SLIT1: variants seen among roughly 807,000 people sequenced by gnomAD.
The protein encoded by SLIT1 is slit guidance ligand 1.
A neutral mutation model predicts 186.1 loss-of-function variants in SLIT1; 66 were observed. The observed-to-expected ratio is 0.35, with a 90% CI of 0.29 to 0.44. The LOEUF (loss-of-function observed/expected upper bound fraction) is 0.44, where lower values mean the gene tolerates loss of function less well. Ranked by LOEUF, SLIT1 falls within the 20% of genes least tolerant of loss-of-function variation. The probability of loss-of-function intolerance (pLI) is 1.00; values close to 1 mark genes in which losing one functional copy is unlikely to be tolerated. For synonymous variants in SLIT1, 761 were observed against 833.8 expected, an observed-to-expected ratio of 0.91 and a Z score of 1.50; for missense variants, 1,638 against 2,037.4, an observed-to-expected ratio of 0.80 and a Z score of 3.77.
chr10:97,094,525 G>A (rs1564674021), intron 4 of SLIT1, among the ~76,000 whole-genome samples: 1 of 152,174 alleles, frequency 6.6e-6, no homozygotes, highest in Non-Finnish European at 1.5e-5. Context: ...ATTATGTGAG[G>A]CCATGTGGCC....
chr10:97,018,776 C>G, intron 27 of SLIT1, 93 bp from the exon 28 acceptor site: 1 of 771,462 alleles, frequency 1.3e-6, no homozygotes. Flanking sequence ...CAGCCTCTCC[C>G]TGTCCCAGGA....
chr10:97,176,531 T>G (rs568066051), intron 1 of SLIT1, among the ~76,000 whole-genome samples: 1 of 152,148 alleles, frequency 6.6e-6, no homozygotes, highest in African/African-American at 2.4e-5. Flanking sequence ...TGTCCTCTCC[T>G]CTGCAAACTT....
At chr10:97,014,534 G>A (rs1207538575) in intron 28 of SLIT1, among the ~76,000 whole-genome samples, 4 of 152,148 alleles carry the variant, frequency 2.6e-5, no homozygotes, top group Non-Finnish European at 4.4e-5. Context: ...AAGGGAGAGC[G>A]GGAATGGGAG....
chr10:97,148,434 G>A (rs961362482), intron 4 of SLIT1, among the ~76,000 whole-genome samples: 4 of 150,334 alleles, frequency 2.7e-5, no homozygotes, highest in African/African-American at 7.4e-5. Flanking sequence ...GACTACAGGT[G>A]CACATCACCA....
intron 4 of SLIT1, chr10:97,153,041 A>G (rs1849898434): frequency 6.6e-6 from 1 of 152,236 alleles, no homozygotes; most frequent in Non-Finnish European, 1.5e-5. Context: ...AGCAACGAAC[A>G]TGTCTGTGCT....
At chr10:97,088,828 T>C (rs953976588) in intron 4 of SLIT1, among the ~76,000 whole-genome samples, 2 of 152,172 alleles carry the variant, frequency 1.3e-5, no homozygotes, top group African/African-American at 2.4e-5. Context: ...AAGCACTGTG[T>C]CTGCCACACC....
Position 97,184,585 on chromosome 10 carries a change from A to G in SLIT1, c.197+893T>C, listed in dbSNP as rs1174353238. On this transcript the variant is annotated intron_variant, in intron 1 of 36. Transcript: ENST00000266058. This position sits in a 1 kb window ranked among gnomAD's most constrained non-coding sequence, Gnocchi z 4.4. ...TAAATACACACACTCAAACACACCC[A>G]AACACACACACACACATTCTACTAG... 6.6e-6 allele frequency among the ~76,000 whole-genome samples: 1 copy of G among 152,160 alleles called. No individual in the cohort carries two copies. Among genetic ancestry groups the G allele is most frequent in the Non-Finnish European group, 1.5e-5 (1 of 68,020 alleles).
intron 11 of SLIT1, chr10:97,057,713 T>C (rs1330920609): frequency 2.3e-6 from 1 of 434,868 alleles, no homozygotes; most frequent in African/African-American, 1.9e-5. Context: ...CCAGACGGCA[T>C]ATGCAGTGTG....
chr10:97,002,751 C>T lies in SLIT1; in HGVS notation c.4107G>A (p.Val1369=). ...CAGCGGGCTGGTCACAGTGCAGGCC[C>T]ACCCAGCCAGCCTCGCAGTGGCACA... ...GPMCHCEAGW[V]GLHCDQPADG... Residue 1369 remains valine (V), a synonymous_variant, in exon 35 of 37, where the codon GTG becomes GTA. Transcript: ENST00000266058. The T allele has an allele frequency of 1.2e-6, 2 of 1,609,690 alleles. No homozygotes were observed. The highest frequency in any genetic ancestry group is 1.3e-5 in the African/African-American group (1 of 75,010).
chr10:97,032,343 C>T (rs964333824), intron 23 of SLIT1, among the ~76,000 whole-genome samples: 9 of 152,002 alleles, frequency 5.9e-5, no homozygotes, highest in African/African-American at 1.9e-4. Flanking sequence ...CTGAGGTGGG[C>T]GGATCACCTG....
intron 4 of SLIT1, among the ~76,000 whole-genome samples, chr10:97,130,446 A>G (rs1849642599): frequency 6.6e-6 from 1 of 152,278 alleles, no homozygotes; most frequent in South Asian, 2.1e-4. Flanking sequence ...ACATTCTGAC[A>G]TATGCCACAA....
chr10:97,124,226 C>G (rs1208397822), intron 4 of SLIT1, among the ~76,000 whole-genome samples: 1 of 152,068 alleles, frequency 6.6e-6, no homozygotes, highest in African/African-American at 2.4e-5. Context: ...AGCTCTTGTC[C>G]CTGCACATTT....
At chr10:97,089,456 G>A (rs889774366) in intron 4 of SLIT1, among the ~76,000 whole-genome samples, 12 of 152,188 alleles carry the variant, frequency 7.9e-5, no homozygotes, top group Admixed American at 7.9e-4. Flanking sequence ...CTGCTACTCC[G>A]TCTCTCTGGG....
chr10:97,131,940 T>C (rs11819571), intron 4 of SLIT1, among the ~76,000 whole-genome samples: 14,765 of 152,272 alleles, frequency 0.097, 1,011 homozygotes, highest in African/African-American at 0.2. Flanking sequence ...GAGCTGGGCT[T>C]GGAACCCAGC....
chr10:97,004,720 C>T lies in SLIT1; in HGVS notation c.3683G>A (p.Gly1228Asp). ...GTAGATGGCAGAGCTGGGGTAGCTG[C>T]CTGGGTCGTAGCTGACACGCACATG... ...QGHVRVSYDP[G>D]SYPSSAIYSA... The change falls in exon 33 of 37, where the codon GGC becomes GAC. Residue 1228 changes from glycine (G) to aspartate (D), a missense_variant. This residue lies in a region of SLIT1 where 173 missense variants were observed against 290.9 expected (regional missense o/e 0.59). Coordinates refer to ENST00000266058, the MANE Select transcript of SLIT1 (RefSeq NM_003061.3). This position sits in a 1 kb window ranked among gnomAD's most constrained non-coding sequence, Gnocchi z 5.1. 5 of 1,614,122 alleles carry T rather than the reference C, an allele frequency of 3.1e-6. No individual in the cohort carries two copies. Among genetic ancestry groups the T allele is most frequent in the Non-Finnish European group, 4.2e-6 (5 of 1,180,000 alleles).
At chr10:97,065,642 G>A (rs771979040) in intron 5 of SLIT1, 26 of 204,622 alleles carry the variant, frequency 1.3e-4, no homozygotes, top group Non-Finnish European at 2.2e-4. Flanking sequence ...GACTTGCAGC[G>A]GCCTTATGTA....
chr10:97,099,434 G>A lies in SLIT1; in HGVS notation c.414-33348C>T, dbSNP rs146892160. On this transcript the variant is annotated intron_variant, in intron 4 of 36. Transcript: ENST00000266058. ...TTTCTAAAAGTCAAAATTGCACAAA[G>A]AGAAAAAGACTCCAGGTTGGGGGGG... 8.0e-5 allele frequency among the ~76,000 whole-genome samples: 12 copies of A among 149,512 alleles called. No individual in the cohort carries two copies. The East Asian group carries it at 2.6e-3, about 32-fold the overall frequency.
In SLIT1 at chr10:97,021,549, T is replaced by G; in HGVS notation, c.2583-136A>C. ...CATTTCATGAGCATTTACTGTATAG[T>G]CAGTGCTGCTTTTTTTTTTTTTTCT... On this transcript the variant is annotated intron_variant, in intron 25 of 36. Coordinates refer to ENST00000266058, the MANE Select transcript of SLIT1 (RefSeq NM_003061.3). This position sits in a 1 kb window ranked among gnomAD's most constrained non-coding sequence, Gnocchi z 4.5. 1.5e-6 allele frequency: 1 copy of G among 674,400 alleles called. No homozygotes were observed. Among genetic ancestry groups the G allele is most frequent in the East Asian group, 3.1e-5 (1 of 32,784 alleles). 41.8% of individuals were successfully genotyped at this position (674,400 alleles called of 1,614,324 possible). A position where few individuals can be genotyped will look rare whatever the true frequency, so the allele number is the denominator to read the frequency against.
chr10:97,181,766 CCCTG>C (rs1300343557), intron 1 of SLIT1, among the ~76,000 whole-genome samples: 1 of 152,172 alleles, frequency 6.6e-6, no homozygotes, highest in Non-Finnish European at 1.5e-5. Context: ...TTCCCAGAGG[CCCTG>C]CCTGCCTCCC....
Sources: gnomAD v4.1 joint callset for allele counts (sites outside exome capture counted in the v4.1 genomes callset) on GRCh38, gnomAD v4.1.1 for gene constraint, gnomAD v4.1.1 regional missense constraint, Gnocchi (gnomAD v3.1) non-coding constraint, MANE v1.5 for transcripts, NCBI Gene and HGNC (gene_info 2026-07-23, HGNC 2026-07-21) for gene names.